IRAK2: variants seen among roughly 807,000 people sequenced by gnomAD.
IRAK2 encodes the protein interleukin-1 receptor-associated kinase-like 2.
A neutral mutation model predicts 72.0 loss-of-function variants in IRAK2; 57 were observed. That is an observed-to-expected ratio of 0.79 (90% CI 0.64 to 0.99). The LOEUF (loss-of-function observed/expected upper bound fraction) is 0.99, where lower values mean the gene tolerates loss of function less well. Among genes scored for constraint, IRAK2 ranks in the 50% least tolerant of loss-of-function variants. The pLI is 0.00. For missense variants in IRAK2, 790 were observed against 794.4 expected (o/e 0.99, Z 0.07); for synonymous variants, 293 against 312.7 (o/e 0.94, Z 0.67).
At chr3:10,182,764 C>T (rs1297428155) in intron 2 of IRAK2, among the ~76,000 whole-genome samples, 1 of 151,622 alleles carries the variant, frequency 6.6e-6, no homozygotes, top group Non-Finnish European at 1.5e-5. Flanking sequence ...CAAACAGATG[C>T]CCACTAATTT....
At position 10,230,333 on chromosome 3, in the gene IRAK2, GTCTCCTA is replaced by G. The variant is rs531000184; in HGVS notation, c.1272+3911_1272+3917del. On this transcript the variant is annotated intron_variant, in intron 10 of 12. Coordinates refer to ENST00000256458, the MANE Select transcript of IRAK2 (RefSeq NM_001570.4). ...GTTTGTTATCATTTTTGGAGATAGG[GTCTCCTA>G]TCTCCTATCTTCTTTGTCACGAAGG... Among the ~76,000 whole-genome samples the G allele has an allele frequency of 2.4e-4, 37 of 151,772 alleles. No homozygotes were observed. In the South Asian group the frequency reaches 4.8e-3, roughly 20 times the overall value.
At chr3:10,208,471 A>T (rs538697775) in intron 3 of IRAK2, among the ~76,000 whole-genome samples, 1 of 151,306 alleles carries the variant, frequency 6.6e-6, no homozygotes, top group Admixed American at 6.6e-5. Flanking sequence ...TTAAAAAAAA[A>T]TCTTTTGTAG....
intron 2 of IRAK2, among the ~76,000 whole-genome samples, chr3:10,178,640 T>G (rs904867848): frequency 6.6e-6 from 1 of 152,220 alleles, no homozygotes; most frequent in Admixed American, 6.6e-5. Flanking sequence ...AAAACCCCAA[T>G]AGCTATAACA....
At chr3:10,198,026 T>C (rs370582607) in intron 2 of IRAK2, among the ~76,000 whole-genome samples, 11 of 150,854 alleles carry the variant, frequency 7.3e-5, no homozygotes, top group Non-Finnish European at 1.2e-4. Context: ...AGTGAAACCC[T>C]GTCTCTACTA....
intron 1 of IRAK2, among the ~76,000 whole-genome samples, chr3:10,175,109 T>A (rs1224481500): frequency 6.6e-6 from 1 of 151,804 alleles, no homozygotes; most frequent in African/African-American, 2.4e-5. Flanking sequence ...AAAAAAAGAT[T>A]TTTAAATTTT....
chr3:10,190,446 A>G (rs140954688), intron 2 of IRAK2, among the ~76,000 whole-genome samples: 1 of 151,602 alleles, frequency 6.6e-6, no homozygotes, highest in African/African-American at 2.4e-5. Flanking sequence ...ACGCCCAGCT[A>G]GAGGTTTTCT....
intron 2 of IRAK2, among the ~76,000 whole-genome samples, chr3:10,190,116 C>A (rs1333105397): frequency 1.3e-5 from 2 of 151,012 alleles, no homozygotes; most frequent in African/African-American, 4.9e-5. Context: ...ATGAGGCCAA[C>A]ATGGGAATTC....
At chr3:10,168,674 C>A (rs1177022484) in intron 1 of IRAK2, among the ~76,000 whole-genome samples, 2 of 152,206 alleles carry the variant, frequency 1.3e-5, no homozygotes, top group East Asian at 3.8e-4. Flanking sequence ...AGGCTCCCCA[C>A]TGGGATGGAT....
chr3:10,236,000 A>G (rs866036021), intron 11 of IRAK2, among the ~76,000 whole-genome samples: 2 of 152,272 alleles, frequency 1.3e-5, no homozygotes, highest in Middle Eastern at 6.8e-3. Flanking sequence ...TCTGTTCGGG[A>G]ACAAGGCAGA....
Position 10,234,644 on chromosome 3 carries a change from C to T in IRAK2, c.1458C>T (p.Asn486=). Residue 486 remains asparagine, a synonymous_variant, in exon 11 of 13, where the codon AAC becomes AAT. Coordinates refer to ENST00000256458, the MANE Select transcript of IRAK2 (RefSeq NM_001570.4). ...CCTGCCTGTGCCTGCGGAGGCGTAA[C>T]ACCAGCCTGCAGGAGGTGAGCCTCG... The part of the protein sequence containing the change: ...TAACLCLRRR[N]TSLQEVCGSV... 6.2e-7 allele frequency: 1 copy of T among 1,612,696 alleles called. No homozygotes were observed. The highest frequency in any genetic ancestry group is 8.5e-7 in the Non-Finnish European group (1 of 1,179,630).
At chr3:10,165,721 ATTTT>A (rs34176794) in intron 1 of IRAK2, among the ~76,000 whole-genome samples, 4,306 of 76,732 alleles carry the variant, frequency 0.056, 139 homozygotes, top group South Asian at 0.19. Flanking sequence ...GTCTTGAACT[ATTTT>A]TTTTTTTTTT....
At chr3:10,224,711 C>T (rs1297923657) in intron 9 of IRAK2, among the ~76,000 whole-genome samples, 1 of 27,484 alleles carries the variant, frequency 3.6e-5, no homozygotes, top group Non-Finnish European at 6.9e-5. Flanking sequence ...CATGCACCCA[C>T]CCTCCCACCC....
At position 10,200,996 on chromosome 3, in the gene IRAK2, T is replaced by C. The variant is rs540727204; in HGVS notation, c.424+481T>C. 8.5e-5 allele frequency among the ~76,000 whole-genome samples: 13 copies of C among 152,330 alleles called. No homozygotes were observed. In the South Asian group the frequency reaches 2.5e-3, roughly 29 times the overall value. ...CTATCAACAGTGATGTAGACGTGCATATGTACATGGAAACATACTGACAAT... is the reference window on the plus strand; with the variant it reads ...CTATCAACAGTGATGTAGACGTGCACATGTACATGGAAACATACTGACAAT... On this transcript the variant is annotated intron_variant, in intron 3 of 12. Coordinates refer to ENST00000256458, the MANE Select transcript of IRAK2 (RefSeq NM_001570.4).
intron 3 of IRAK2, among the ~76,000 whole-genome samples, chr3:10,202,613 ACT>A (rs1184433065): frequency 6.7e-6 from 1 of 150,272 alleles, no homozygotes; most frequent in Non-Finnish European, 1.5e-5. Flanking sequence ...ACAGAGTGAG[ACT>A]CTGTCTCAAC....
intron 2 of IRAK2, among the ~76,000 whole-genome samples, chr3:10,179,855 C>G (rs1348396876): frequency 6.6e-6 from 1 of 152,180 alleles, no homozygotes; most frequent in Non-Finnish European, 1.5e-5. Context: ...CAGGTGTGAG[C>G]CACCATGCCC....
intron 6 of IRAK2, among the ~76,000 whole-genome samples, chr3:10,215,043 G>A (rs1453802747): frequency 6.6e-6 from 1 of 151,384 alleles, no homozygotes; most frequent in Non-Finnish European, 1.5e-5. Flanking sequence ...AGTGAGCCGA[G>A]ATCATGACAC....
chr3:10,176,828 A>G (rs1696883516), intron 1 of IRAK2, among the ~76,000 whole-genome samples: 1 of 143,108 alleles, frequency 7.0e-6, no homozygotes, highest in South Asian at 2.2e-4. Context: ...TTTGAGATGG[A>G]GTCTCGCTCT....
intron 6 of IRAK2, 25 bp from the exon 7 acceptor site, chr3:10,216,909 C>CA (rs762447652): frequency 6.4e-7 from 1 of 1,554,648 alleles, no homozygotes; most frequent in South Asian, 1.1e-5. Flanking sequence ...TGACTCCTCA[C>CA]ACCTGCACTG....
At position 10,242,594 on chromosome 3, in the gene IRAK2, C is replaced by T. The variant is rs1698078984; in HGVS notation, c.*366C>T. The T allele has an allele frequency of 6.3e-6, 1 of 158,132 alleles. No individual in the cohort carries two copies. The highest frequency in any genetic ancestry group is 1.4e-5 in the Non-Finnish European group (1 of 72,096). 9.8% of individuals were successfully genotyped at this position (158,132 alleles called of 1,614,324 possible). ...CCATTACCTCAGCAGCTCTTGTTCC[C>T]CCGCCACTGGCAGTTCTGCAATGCC... On this transcript the variant is annotated 3_prime_UTR_variant, in exon 13 of 13. Coordinates refer to ENST00000256458, the MANE Select transcript of IRAK2 (RefSeq NM_001570.4).
Sources: allele counts gnomAD v4.1 joint callset (sites outside exome capture counted in the v4.1 genomes callset), GRCh38; gene constraint gnomAD v4.1.1; transcripts MANE v1.5; gene names NCBI Gene and HGNC (gene_info 2026-07-23, HGNC 2026-07-21).